CC2D2A: variants seen among roughly 807,000 people sequenced by gnomAD.
CC2D2A encodes the protein coiled-coil and C2 domain-containing protein 2A.
Under a neutral mutation model 212.9 loss-of-function variants are expected in CC2D2A, and 155 were observed. That is an observed-to-expected ratio of 0.73 (90% confidence interval 0.64 to 0.83). The LOEUF (loss-of-function observed/expected upper bound fraction) is 0.83, where lower values mean the gene tolerates loss of function less well. Ranked by LOEUF, CC2D2A falls within the 40% of genes least tolerant of loss-of-function variation. The pLI is 0.00. For synonymous variants in CC2D2A, 667 were observed against 686.5 expected (o/e 0.97, Z 0.44); for missense variants, 1,856 against 1,956.2 (o/e 0.95, Z 0.97).
At chr4:15,506,378 T>C (rs1716256024) in intron 6 of CC2D2A, among the ~76,000 whole-genome samples, 1 of 152,212 alleles carries the variant, frequency 6.6e-6, no homozygotes, top group African/African-American at 2.4e-5. Context: ...TCTGAGCATA[T>C]TTTCTATACC....
At chr4:15,598,825 T>C (rs1161889554) in intron 35 of CC2D2A, among the ~76,000 whole-genome samples, 1 of 152,204 alleles carries the variant, frequency 6.6e-6, no homozygotes, top group Non-Finnish European at 1.5e-5. Flanking sequence ...TTCATCTGTC[T>C]GTATATATAC....
intron 8 of CC2D2A, among the ~76,000 whole-genome samples, chr4:15,512,078 T>C (rs1195579192): frequency 6.6e-6 from 1 of 152,180 alleles, no homozygotes; most frequent in African/African-American, 2.4e-5. Context: ...ATAGAGGATA[T>C]GGAGAAATTG....
At chr4:15,485,746 C>G (rs1000180058) in intron 4 of CC2D2A, among the ~76,000 whole-genome samples, 2 of 152,040 alleles carry the variant, frequency 1.3e-5, no homozygotes, top group Non-Finnish European at 2.9e-5. Context: ...TTGCGTATAC[C>G]TGTTGGCCAT....
At chr4:15,553,107 G>A in intron 18 of CC2D2A, 51 bp from the exon 19 acceptor site, 1 of 1,526,504 alleles carries the variant, frequency 6.6e-7, no homozygotes, top group Non-Finnish European at 8.8e-7. Context: ...CCAGGACTAG[G>A]CTCAGTCCCT....
intron 21 of CC2D2A, 75 bp from the exon 22 acceptor site, chr4:15,559,090 T>C: frequency 1.2e-6 from 1 of 847,616 alleles, no homozygotes; most frequent in Non-Finnish European, 1.9e-6. Context: ...TTAAATCATA[T>C]GTGATAAATA....
intron 6 of CC2D2A, 63 bp downstream of exon 6, chr4:15,502,986 A>G (rs1236591104): frequency 1.5e-6 from 2 of 1,326,024 alleles, no homozygotes; most frequent in African/African-American, 1.5e-5. Context: ...AGTTTCCAGC[A>G]AAAGTTTTTA....
rs371405756 is a variant in CC2D2A at position 15,514,854 on chromosome 4, C to A, written c.865C>A (p.Pro289Thr). Residue 289 changes from proline to threonine, a missense_variant, in exon 9 of 37, where the codon CCC becomes ACC. Physicochemically the swap from Pro to Thr is conservative, Grantham distance 38 (BLOSUM62 -1). This residue lies in a region of CC2D2A where 1,512 missense variants were observed against 1,579.3 expected (regional missense o/e 0.96). Coordinates refer to ENST00000424120, the MANE Select transcript of CC2D2A (RefSeq NM_001378615.1). ...LQMEREMLFI[P>T]SRQTVPTYKK... is the part of the protein sequence containing the mutation. ...GATGGAAAGAGAAATGCTCTTCATA[C>A]CCAGTAGGCAGACAGGTACTTGCTC... The A allele has an allele frequency of 1.7e-5, 27 of 1,613,580 alleles. No individual in the cohort carries two copies. The African/African-American group carries it at 3.6e-4, about 22-fold the overall frequency.
intron 4 of CC2D2A, among the ~76,000 whole-genome samples, chr4:15,501,389 C>A (rs973886901): frequency 1.3e-5 from 2 of 152,138 alleles, no homozygotes; most frequent in Non-Finnish European, 2.9e-5. Flanking sequence ...CCACCCCAAC[C>A]ATCCTGTGGT....
At position 15,512,214 on chromosome 4, in the gene CC2D2A, T is replaced by C. The variant is rs1380225214; in HGVS notation, c.717+791T>C. ...CAGCAATTCAATTCCACTCTGTGTA[T>C]ATATCCAAAAACACTGAAGACAAGA... On this transcript the variant is annotated intron_variant, in intron 8 of 36. Transcript: ENST00000424120. Among the ~76,000 whole-genome samples the C allele has an allele frequency of 2.6e-5, 4 of 152,328 alleles. No individual in the cohort carries two copies. In the South Asian group the frequency reaches 6.2e-4, roughly 24 times the overall value.
intron 14 of CC2D2A, among the ~76,000 whole-genome samples, chr4:15,534,760 AG>A (rs1490703056): frequency 6.6e-6 from 1 of 152,122 alleles, no homozygotes; most frequent in African/African-American, 2.4e-5. Flanking sequence ...TAAAATTGAA[AG>A]AAAAAAAAAG....
At chr4:15,543,113 G>A (rs1444938453) in intron 17 of CC2D2A, among the ~76,000 whole-genome samples, 1 of 152,140 alleles carries the variant, frequency 6.6e-6, no homozygotes, top group Non-Finnish European at 1.5e-5. Context: ...GTGATCTGGG[G>A]GGTGGGTGAG....
In CC2D2A at chr4:15,571,573, A is replaced by G. The variant is rs543120861; in HGVS notation, c.3594+1077A>G. ...AGCTGAGATCGCACCACTGCACTCC[A>G]GCCTGGGCAACAGAGCGAGACTCCG... On this transcript the variant is annotated intron_variant, in intron 28 of 36. Coordinates refer to ENST00000424120, the MANE Select transcript of CC2D2A (RefSeq NM_001378615.1). Among the ~76,000 whole-genome samples, 10 of 150,674 alleles carry G rather than the reference A, an allele frequency of 6.6e-5. No individual in the cohort carries two copies. The East Asian group carries it at 2.0e-3, about 30-fold the overall frequency.
At chr4:15,579,254 A>T (rs1246855481) in intron 29 of CC2D2A, among the ~76,000 whole-genome samples, 1 of 152,038 alleles carries the variant, frequency 6.6e-6, no homozygotes, top group Non-Finnish European at 1.5e-5. Context: ...ACTTGAGCCC[A>T]GGAGTTTGAG....
At chr4:15,596,548 G>A (rs1394899114) in intron 34 of CC2D2A, among the ~76,000 whole-genome samples, 2 of 152,106 alleles carry the variant, frequency 1.3e-5, no homozygotes, top group Non-Finnish European at 2.9e-5. Context: ...AAATTGCAGG[G>A]TATGATCCAC....
At chr4:15,485,738 G>A (rs116755101) in intron 4 of CC2D2A, among the ~76,000 whole-genome samples, 2 of 152,102 alleles carry the variant, frequency 1.3e-5, no homozygotes, top group African/African-American at 4.8e-5. Context: ...GAGCATTTTT[G>A]CGTATACCTG....
At chr4:15,563,163 A>G (rs1256076389) in intron 23 of CC2D2A, among the ~76,000 whole-genome samples, 192 bp from the exon 24 acceptor site, 1 of 152,218 alleles carries the variant, frequency 6.6e-6, no homozygotes, top group African/African-American at 2.4e-5. Flanking sequence ...CAGCTAGAGT[A>G]AGTTTTAACA....
chr4:15,553,017 G>A (rs1719085688), intron 18 of CC2D2A, 141 bp from the exon 19 acceptor site: 1 of 628,386 alleles, frequency 1.6e-6, no homozygotes, highest in South Asian at 2.8e-5. Flanking sequence ...GAAATTCAGT[G>A]ACACTGGCTT....
intron 31 of CC2D2A, among the ~76,000 whole-genome samples, chr4:15,587,186 C>T (rs1720889458): frequency 6.6e-6 from 1 of 152,200 alleles, no homozygotes; most frequent in South Asian, 2.1e-4. Flanking sequence ...ACCTGGATTC[C>T]TTGCATGTGC....
At chr4:15,533,131 A>G in intron 13 of CC2D2A, 62 bp from the exon 14 acceptor site, 1 of 1,368,342 alleles carries the variant, frequency 7.3e-7, no homozygotes, top group East Asian at 2.5e-5. Flanking sequence ...TAGCATTATT[A>G]ATTTCTTTTG....
Sources: gnomAD v4.1 joint callset for allele counts (sites outside exome capture counted in the v4.1 genomes callset) on GRCh38, gnomAD v4.1.1 for gene constraint, gnomAD v4.1.1 regional missense constraint, MANE v1.5 for transcripts, NCBI Gene and HGNC (gene_info 2026-07-23, HGNC 2026-07-21) for gene names.